HYDIN: variants seen among roughly 807,000 people sequenced by gnomAD.
The protein encoded by HYDIN is axonemal central pair apparatus protein HYDIN.
A neutral mutation model predicts 403.9 loss-of-function variants in HYDIN; 132 were observed. The observed-to-expected ratio is 0.33, with a 90% CI of 0.28 to 0.38. The LOEUF (loss-of-function observed/expected upper bound fraction) is 0.38. HYDIN is among the 10% of genes least tolerant of loss of function. HYDIN has a pLI of 1.00. For missense variants in HYDIN, 2,827 were observed against 5,009.5 expected, an observed-to-expected ratio of 0.56 and a Z score of 13.15; for synonymous variants, 1,202 against 1,891.7, an observed-to-expected ratio of 0.64 and a Z score of 9.46.
chr16:70,977,561 C>T (rs2078922580), intron 30 of HYDIN, among the ~76,000 whole-genome samples: 1 of 151,202 alleles, frequency 6.6e-6, no homozygotes, highest in Admixed American at 6.6e-5. Context: ...CACATTAGAG[C>T]CCCCTCTTAA....
At chr16:70,924,008 G>T (rs2077080175) in intron 45 of HYDIN, among the ~76,000 whole-genome samples, 1 of 151,864 alleles carries the variant, frequency 6.6e-6, no homozygotes, top group Admixed American at 6.6e-5. Flanking sequence ...GGACATAATA[G>T]AAATAATACA....
chr16:70,985,408 G>T lies in HYDIN; in HGVS notation c.4195-86C>A, dbSNP rs921813937. The T allele has an allele frequency of 1.4e-5, 15 of 1,101,550 alleles. No homozygotes were observed. In the African/African-American group the frequency reaches 2.2e-4, roughly 16 times the overall value. The allele number at this position is 1,101,550 out of a possible 1,614,324, so 68.2% of individuals were successfully genotyped here. On this transcript the variant is annotated intron_variant, in intron 27 of 85. Transcript: ENST00000393567. ...GTGCAGAAACATGCCTCATGGATAA[G>T]GGTGTGACAGCTCCTGATATAAATA...
chr16:70,933,400 T>A (rs1205338738), intron 45 of HYDIN, among the ~76,000 whole-genome samples: 7 of 141,324 alleles, frequency 5.0e-5, no homozygotes, highest in Non-Finnish European at 1.1e-4. Context: ...GTGTGGGCCG[T>A]GTTGAGTTAC....
chr16:71,213,175 A>G (rs1205243886), intron 1 of HYDIN, among the ~76,000 whole-genome samples: 3 of 152,158 alleles, frequency 2.0e-5, no homozygotes, highest in Non-Finnish European at 4.4e-5. Flanking sequence ...ATAAAGAAAA[A>G]TCTAAAGGAT....
chr16:70,887,031 G>A (rs970573266), intron 58 of HYDIN, among the ~76,000 whole-genome samples: 5 of 152,096 alleles, frequency 3.3e-5, no homozygotes, highest in Admixed American at 1.3e-4. Context: ...AATGACAAGC[G>A]CATTAGATCT....
chr16:71,188,633 T>C lies in HYDIN; in HGVS notation c.-23-1715A>G, dbSNP rs113167848. Among the ~76,000 whole-genome samples, 1,294 of 152,264 alleles carry C rather than the reference T, an allele frequency of 8.5e-3. 17 individuals are homozygous for C. Among genetic ancestry groups the C allele is most frequent in the African/African-American group, 0.03 (1,230 of 41,550 alleles). ...AACCATCCATATAAAGCAGAAATTATGGGAGATGCAAGGAAAAACAAATAC... is the reference window on the plus strand; with the variant it reads ...AACCATCCATATAAAGCAGAAATTACGGGAGATGCAAGGAAAAACAAATAC... On this transcript the variant is annotated intron_variant, in intron 1 of 85. Transcript: ENST00000393567.
chr16:71,141,533 T>C (rs1471521450), intron 7 of HYDIN, among the ~76,000 whole-genome samples: 1 of 151,794 alleles, frequency 6.6e-6, no homozygotes, highest in East Asian at 1.9e-4. Context: ...AAAACTTGAC[T>C]GTAAAAGGGA....
intron 12 of HYDIN, among the ~76,000 whole-genome samples, chr16:71,081,890 C>A (rs1420321512): frequency 7.4e-6 from 1 of 135,880 alleles, no homozygotes; most frequent in Non-Finnish European, 1.5e-5. Flanking sequence ...AAATCACATA[C>A]ATAAAAATAG....
intron 45 of HYDIN, among the ~76,000 whole-genome samples, chr16:70,921,806 C>T (rs2077002452): frequency 6.6e-6 from 1 of 152,150 alleles, no homozygotes; most frequent in Non-Finnish European, 1.5e-5. Context: ...TTGATGGGAA[C>T]AAATGGGGGT....
At chr16:71,090,387 T>C (rs2083079823) in intron 11 of HYDIN, 1 of 150,178 alleles carries the variant, frequency 6.7e-6, no homozygotes, top group South Asian at 2.2e-4. Context: ...TAAGTACTAC[T>C]AACTTCTCAT....
chr16:70,909,688 C>CTTTTT (rs74464612), intron 47 of HYDIN, among the ~76,000 whole-genome samples: 8 of 64,772 alleles, frequency 1.2e-4, no homozygotes, highest in Non-Finnish European at 1.8e-4. Flanking sequence ...TCAGGCATGT[C>CTTTTT]TTTTTTTTTT....
At chr16:71,190,346 T>TAAA (rs11330665) in intron 1 of HYDIN, among the ~76,000 whole-genome samples, 285 of 147,950 alleles carry the variant, frequency 1.9e-3, no homozygotes, top group African/African-American at 5.7e-3. Flanking sequence ...AATTTGAGCA[T>TAAA]AAAAAAAAAA....
rs556314453 is a variant in HYDIN, at chr16:70,966,152, A to T, written c.5620-1256T>A. Among the ~76,000 whole-genome samples the T allele has an allele frequency of 4.6e-5, 7 of 152,154 alleles. No homozygotes were observed. The South Asian group carries it at 1.5e-3, about 32-fold the overall frequency. On this transcript the variant is annotated intron_variant, in intron 36 of 85. Transcript: ENST00000393567. ...TAGCTGAAGTCTCCATTGCCATCTCATCACAGTTCATCTCCCTCTGCCCAA... is the reference window on the plus strand; with the variant it reads ...TAGCTGAAGTCTCCATTGCCATCTCTTCACAGTTCATCTCCCTCTGCCCAA...
At chr16:71,192,116 A>G (rs1024061505) in intron 1 of HYDIN, among the ~76,000 whole-genome samples, 1 of 152,172 alleles carries the variant, frequency 6.6e-6, no homozygotes, top group African/African-American at 2.4e-5. Context: ...ACACAGTAGC[A>G]AAGCATAGAG....
intron 23 of HYDIN, among the ~76,000 whole-genome samples, chr16:71,006,679 T>C (rs1313821805): frequency 6.6e-6 from 1 of 150,940 alleles, no homozygotes; most frequent in African/African-American, 2.4e-5. Flanking sequence ...AGGATAAGGC[T>C]GGGAGCCACC....
chr16:70,807,915 C>T lies in HYDIN; in HGVS notation c.15031G>A (p.Gly5011Arg). The change falls in exon 86 of 86, where the codon GGA (glycine) becomes AGA (arginine). Residue 5011 changes from glycine to arginine, a missense_variant. Gly to Arg is a moderately radical substitution (Grantham distance 125). Coordinates refer to ENST00000393567, the MANE Select transcript of HYDIN (RefSeq NM_001270974.2). ...GILILSSLAGGEYIIPLFGMA... is the reference protein window; with the variant it reads ...GILILSSLAGREYIIPLFGMA... Reference sequence around the variant, plus strand: ...CCAAAGAGGGGGATGATATACTCTCCACCTGCGAGCGATGATAGGATCAGG... The same window carrying T: ...CCAAAGAGGGGGATGATATACTCTCTACCTGCGAGCGATGATAGGATCAGG... 1 of 1,614,166 alleles carries T rather than the reference C, an allele frequency of 6.2e-7. No homozygotes were observed. Among genetic ancestry groups the T allele is most frequent in the Non-Finnish European group, 8.5e-7 (1 of 1,180,024 alleles).
rs1371953904 is a variant in HYDIN at position 70,804,741 on chromosome 16, C to G, written c.*2839G>C. On this transcript the variant is annotated 3_prime_UTR_variant, in exon 86 of 86. Coordinates refer to ENST00000393567, the MANE Select transcript of HYDIN (RefSeq NM_001270974.2). ...CAGGCACCAAACAGCTATGAGGAAG[C>G]AGGTCTGAGCGCAGGCTGATCTAGT... Among the ~76,000 whole-genome samples the G allele has an allele frequency of 6.6e-6, 1 of 152,216 alleles. No homozygotes were observed. Among genetic ancestry groups the G allele is most frequent in the Non-Finnish European group, 1.5e-5 (1 of 68,028 alleles).
intron 16 of HYDIN, among the ~76,000 whole-genome samples, chr16:71,063,405 G>C (rs1049635206): frequency 4.0e-4 from 61 of 152,246 alleles, no homozygotes; most frequent in African/African-American, 1.4e-3. Context: ...AATTAATTTT[G>C]ATTTCTTACA....
At chr16:70,897,015 TA>T in intron 53 of HYDIN, among the ~76,000 whole-genome samples, 1 of 141,258 alleles carries the variant, frequency 7.1e-6, no homozygotes, top group South Asian at 2.4e-4. Context: ...TATATATACA[TA>T]TATTTTATTT....
Sources: allele counts gnomAD v4.1 joint callset (sites outside exome capture counted in the v4.1 genomes callset), GRCh38; gene constraint gnomAD v4.1.1; transcripts MANE v1.5; gene names NCBI Gene and HGNC (gene_info 2026-07-23, HGNC 2026-07-21).